Variants in PSD2 observed in about 807,000 individuals in gnomAD.
PSD2 encodes PH and SEC7 domain-containing protein 2.
A neutral mutation model predicts 69.8 loss-of-function variants in PSD2; 38 were observed. That is an observed-to-expected ratio of 0.54 (90% confidence interval 0.42 to 0.71). The LOEUF (loss-of-function observed/expected upper bound fraction) is 0.71, where lower values mean the gene tolerates loss of function less well. PSD2 is among the 30% of genes least tolerant of loss of function. The pLI is 0.00. For synonymous variants in PSD2, 412 were observed against 423.0 expected (o/e 0.97, Z 0.32); for missense variants, 943 against 1,014.5 (o/e 0.93, Z 0.96).
At chr5:139,774,663 G>A in the PSD2 span, among the ~76,000 whole-genome samples, 1 of 152,036 alleles carries the variant, frequency 6.6e-6, no homozygotes, top group South Asian at 2.1e-4. Flanking sequence ...GCTAATTTTT[G>A]TATTTTTTAG....
In PSD2 at chr5:139,813,736, G is replaced by T; in HGVS notation, c.799G>T (p.Asp267Tyr). ...TGAGGATGATGATGAGGAGGACACG[G>T]ACAAGTTGCTGAACTCAGCCAGGTG... ...GDEDDDEEDT[D>Y]KLLNSASDPS... Residue 267 changes from aspartate (D) to tyrosine (Y), a missense_variant, in exon 3 of 15, where the codon GAC (aspartate) becomes TAC (tyrosine). This residue lies in a region of PSD2 where 466 missense variants were observed against 445.0 expected (regional missense o/e 1.05). Transcript: ENST00000274710. The T allele has an allele frequency of 6.2e-7, 1 of 1,607,322 alleles. No individual in the cohort carries two copies. The highest frequency in any genetic ancestry group is 8.5e-7 in the Non-Finnish European group (1 of 1,175,586).
At chr5:139,770,203 C>T in the PSD2 span, among the ~76,000 whole-genome samples, 6 of 152,148 alleles carry the variant, frequency 3.9e-5, no homozygotes, top group Non-Finnish European at 7.3e-5. Flanking sequence ...CCTGAGGGAC[C>T]TCACCATCCA....
the PSD2 span, among the ~76,000 whole-genome samples, chr5:139,787,141 T>C: frequency 6.6e-6 from 1 of 152,240 alleles, no homozygotes; most frequent in African/African-American, 2.4e-5. Flanking sequence ...CACTTAGCAG[T>C]GCTAGATGGA....
At chr5:139,827,941 G>C (rs1051489996) in intron 7 of PSD2, among the ~76,000 whole-genome samples, 1 of 152,168 alleles carries the variant, frequency 6.6e-6, no homozygotes, top group African/African-American at 2.4e-5. Flanking sequence ...GAGGATCAAA[G>C]GGTTGTTGGA....
chr5:139,804,904 C>T (rs532751232), intron 1 of PSD2, among the ~76,000 whole-genome samples: 26 of 148,892 alleles, frequency 1.7e-4, no homozygotes, highest in East Asian at 3.9e-4. Flanking sequence ...TGTGTGCGTG[C>T]GTGTGTGCAT....
At chr5:139,830,374 A>T (rs1191246074) in intron 7 of PSD2, among the ~76,000 whole-genome samples, 3 of 128,042 alleles carry the variant, frequency 2.3e-5, no homozygotes, top group East Asian at 4.4e-4. Context: ...TCCTTTTGAG[A>T]CAGCGTCTCT....
chr5:139,788,234 C>G, the PSD2 span, among the ~76,000 whole-genome samples: 8 of 152,018 alleles, frequency 5.3e-5, no homozygotes, highest in South Asian at 4.2e-4. Context: ...CCGAGCTCCC[C>G]CTGCGGGAAC....
intron 1 of PSD2, among the ~76,000 whole-genome samples, chr5:139,799,564 G>C (rs1389582067): frequency 6.6e-6 from 1 of 152,224 alleles, no homozygotes; most frequent in Non-Finnish European, 1.5e-5. Context: ...GTTTTGAAGA[G>C]GGGATGATGA....
intron 7 of PSD2, among the ~76,000 whole-genome samples, chr5:139,827,118 G>A (rs1423357051): frequency 1.3e-5 from 2 of 152,158 alleles, no homozygotes; most frequent in Non-Finnish European, 1.5e-5. Context: ...GGTGATCCAG[G>A]GCCTAGCCCT....
chr5:139,799,977 CA>C lies in PSD2; in HGVS notation c.-51+4004del, dbSNP rs201731382. On this transcript the variant is annotated intron_variant, in intron 1 of 14. Transcript: ENST00000274710. ...GTGTGGGAAGCTCATTTGGTGGCCC[CA>C]ACTGTGGCCCCCTTGCAGAAGCTCA... Among the ~76,000 whole-genome samples the C allele has an allele frequency of 7.2e-3, 1,100 of 152,208 alleles. 11 individuals are homozygous for C. The highest frequency in any genetic ancestry group is 0.025 in the African/African-American group (1,033 of 41,508).
In PSD2 at chr5:139,843,726, G is replaced by A. The variant is rs1760932224; in HGVS notation, c.*1252G>A. ...GCTTAGCCAAGGCCACATCTGGGAAGAGTGGAGAAATTTGCCACTTGACGA... is the reference window on the plus strand; with the variant it reads ...GCTTAGCCAAGGCCACATCTGGGAAAAGTGGAGAAATTTGCCACTTGACGA... On this transcript the variant is annotated 3_prime_UTR_variant, in exon 15 of 15. Coordinates refer to ENST00000274710, the MANE Select transcript of PSD2 (RefSeq NM_032289.4). 1 of 152,252 alleles carries A rather than the reference G, an allele frequency of 6.6e-6. No individual in the cohort carries two copies. The highest frequency in any genetic ancestry group is 1.5e-5 in the Non-Finnish European group (1 of 68,052). The allele number at this position is 152,252 out of a possible 1,614,324, so 9.4% of individuals were successfully genotyped here.
At chr5:139,768,779 G>T in the PSD2 span, among the ~76,000 whole-genome samples, 1 of 151,252 alleles carries the variant, frequency 6.6e-6, no homozygotes. Context: ...GAGTAAAAAA[G>T]TGAGGTCAGG....
the PSD2 span, among the ~76,000 whole-genome samples, chr5:139,756,519 C>T: frequency 7.2e-5 from 11 of 152,316 alleles, no homozygotes; most frequent in African/African-American, 2.2e-4. Flanking sequence ...GCGGTTCAGC[C>T]AGGCACCAGG....
At chr5:139,832,495 G>C (rs1371620266) in intron 7 of PSD2, among the ~76,000 whole-genome samples, 1 of 152,228 alleles carries the variant, frequency 6.6e-6, no homozygotes, top group African/African-American at 2.4e-5. Context: ...TGCTAATAGA[G>C]TGTCTTTGCT....
chr5:139,803,830 A>C, intron 1 of PSD2, among the ~76,000 whole-genome samples: 1 of 152,080 alleles, frequency 6.6e-6, no homozygotes, highest in Admixed American at 6.5e-5. Context: ...GATGTGGAGG[A>C]GGCTGGCCTG....
the PSD2 span, among the ~76,000 whole-genome samples, chr5:139,756,888 A>G: frequency 2.0e-5 from 3 of 152,178 alleles, no homozygotes; most frequent in Non-Finnish European, 4.4e-5. Context: ...GAAGGTGATA[A>G]AACAACCCAA....
the PSD2 span, among the ~76,000 whole-genome samples, chr5:139,768,493 T>C: frequency 4.6e-5 from 7 of 151,964 alleles, no homozygotes; most frequent in Non-Finnish European, 1.0e-4. Context: ...GAGGCCGAGG[T>C]GGGTGGATCG....
At chr5:139,811,113 G>A (rs1759948196) in intron 2 of PSD2, among the ~76,000 whole-genome samples, 1 of 152,172 alleles carries the variant, frequency 6.6e-6, no homozygotes, top group Non-Finnish European at 1.5e-5. Context: ...GGTGGCCAGG[G>A]CAACGAACCT....
intron 5 of PSD2, among the ~76,000 whole-genome samples, chr5:139,817,795 G>C (rs1184514990): frequency 6.6e-6 from 1 of 152,170 alleles, no homozygotes. Context: ...TCTAGGAGAG[G>C]AAGGGAGGCT....
Sources: allele counts gnomAD v4.1 joint callset (sites outside exome capture counted in the v4.1 genomes callset), GRCh38; gene constraint gnomAD v4.1.1; regional missense constraint gnomAD v4.1.1; transcripts MANE v1.5; gene names NCBI Gene and HGNC (gene_info 2026-07-23, HGNC 2026-07-21).